RNF6: variants seen among roughly 807,000 people sequenced by gnomAD.
The protein encoded by RNF6 is E3 ubiquitin-protein ligase RNF6.
Under a neutral mutation model 50.1 loss-of-function variants are expected in RNF6, and 21 were observed. The ratio of observed to expected loss-of-function variants is 0.42; its 90% CI spans 0.30 to 0.60. The LOEUF is 0.60. RNF6 is among the 20% of genes least tolerant of loss of function. RNF6 has a pLI of 0.20. For synonymous variants in RNF6, 255 were observed against 291.8 expected (o/e 0.87, Z 1.29); for missense variants, 698 against 838.2 (o/e 0.83, Z 2.07).
chr13:26,159,352 C>T (rs939846213), intron 5 of RNF6, among the ~76,000 whole-genome samples: 3 of 152,108 alleles, frequency 2.0e-5, no homozygotes, highest in Admixed American at 6.5e-5. Context: ...TTGCCGGGTG[C>T]GGTGGCTCAC....
intron 5 of RNF6, among the ~76,000 whole-genome samples, chr13:26,180,010 C>T (rs542513845): frequency 3.9e-5 from 6 of 152,190 alleles, no homozygotes; most frequent in East Asian, 1.9e-4. Context: ...GGGCCTCTTC[C>T]GCTTGTGTCC....
intron 5 of RNF6, among the ~76,000 whole-genome samples, chr13:26,160,750 C>T (rs1872174364): frequency 6.6e-6 from 1 of 152,226 alleles, no homozygotes; most frequent in Admixed American, 6.5e-5. Flanking sequence ...TTTGTGGAGG[C>T]TGGACATTTG....
At chr13:26,216,617 A>G (rs577821723) in intron 4 of RNF6, among the ~76,000 whole-genome samples, 3 of 152,324 alleles carry the variant, frequency 2.0e-5, no homozygotes, top group East Asian at 3.9e-4. Flanking sequence ...GCATCAACAC[A>G]TTAACTACAC....
At chr13:26,210,996 C>T (rs1314022009), downstream of RNF6, among the ~76,000 whole-genome samples, 1 of 152,170 alleles carries the variant, frequency 6.6e-6, no homozygotes, top group Non-Finnish European at 1.5e-5. Flanking sequence ...ACAAGCTCTA[C>T]GGACCTGACA....
chr13:26,145,430 GAGGT>G (rs1871172967), intron 5 of RNF6, among the ~76,000 whole-genome samples: 1 of 139,366 alleles, frequency 7.2e-6, no homozygotes, highest in East Asian at 2.1e-4. Flanking sequence ...GGCCTAGTAG[GAGGT>G]GACTGAATCA....
intron 5 of RNF6, among the ~76,000 whole-genome samples, chr13:26,187,369 T>C (rs1388657285): frequency 2.0e-5 from 3 of 152,218 alleles, no homozygotes; most frequent in Non-Finnish European, 4.4e-5. Flanking sequence ...AGCAGGAGGC[T>C]TACTGGGATG....
rs756335075 is a variant in RNF6, at chr13:26,215,337, G to A, written c.545C>T (p.Thr182Ile). ...AGTTGACCTTTGTTGCCTATTTGCA[G>A]TATGATCTCTGTTACTATCTGAAAG... ...IPLSDSNRDH[T>I]ANRQQRSTSP... The change falls in exon 5 of 5, where the codon ACT becomes ATT. Residue 182 changes from threonine (T) to isoleucine (I), a missense_variant. Coordinates refer to ENST00000381588, the MANE Select transcript of RNF6 (RefSeq NM_005977.4). 1.2e-6 allele frequency: 2 copies of A among 1,614,184 alleles called. No homozygotes were observed. The highest frequency in any genetic ancestry group is 4.5e-5 in the East Asian group (2 of 44,890).
rs115731319 is a variant in RNF6 at position 26,207,257 on chromosome 13, A to G, written n.768+8217T>C. ...AAAAAAAAAAAGTATGAAAGGCAAG[A>G]TGAGATACCCTGCGAGGGATCCTAA... On this transcript the variant is annotated intron_variant and non_coding_transcript_variant, in intron 5 of 5. Coordinates refer to the RNF6 transcript ENST00000468480. 2.6e-3 allele frequency among the ~76,000 whole-genome samples: 397 copies of G among 152,112 alleles called. 3 individuals carry two copies. Among genetic ancestry groups the G allele is most frequent in the African/African-American group, 9.1e-3 (379 of 41,544 alleles).
chr13:26,178,570 G>A (rs1019661458), intron 5 of RNF6, among the ~76,000 whole-genome samples: 27 of 146,194 alleles, frequency 1.8e-4, no homozygotes, highest in African/African-American at 6.4e-4. Flanking sequence ...CCCCCTTGGC[G>A]GACCAGGTGT....
intron 5 of RNF6, among the ~76,000 whole-genome samples, chr13:26,174,510 G>A (rs1004908523): frequency 7.0e-6 from 1 of 142,916 alleles, no homozygotes; most frequent in Non-Finnish European, 1.6e-5. Flanking sequence ...AAAAAAATTA[G>A]CTGAGCGTGG....
intron 5 of RNF6, among the ~76,000 whole-genome samples, chr13:26,194,072 C>T (rs963031065): frequency 6.6e-6 from 1 of 152,030 alleles, no homozygotes; most frequent in African/African-American, 2.4e-5. Context: ...TATTACTGCT[C>T]GGAAGCAATA....
At position 26,218,526 on chromosome 13, in the gene RNF6, C is replaced by T. The variant is rs1348180224; in HGVS notation, c.274G>A (p.Gly92Arg). Reference protein sequence around the residue: ...QLASQPDLRDGTNYRDSEVPR... With the variant: ...QLASQPDLRDRTNYRDSEVPR... ...TCCATAGTACCTCTGTAATTCGTTC[C>T]ATCTCTCAAGTCAGGCTGAGATGCT... Residue 92 changes from glycine to arginine, a missense_variant, in exon 4 of 5, where the codon GGA (glycine) becomes AGA (arginine). Coordinates refer to ENST00000381588, the MANE Select transcript of RNF6 (RefSeq NM_005977.4). 3 of 1,613,410 alleles carry T rather than the reference C, an allele frequency of 1.9e-6. No homozygotes were observed. The highest frequency in any genetic ancestry group is 2.7e-5 in the African/African-American group (2 of 74,898).
chr13:26,197,870 A>C (rs1288269538), intron 5 of RNF6, among the ~76,000 whole-genome samples: 1 of 151,850 alleles, frequency 6.6e-6, no homozygotes, highest in Non-Finnish European at 1.5e-5. Context: ...CTCTGATCAT[A>C]TGGGAATTGA....
intron 3 of RNF6, 176 bp downstream of exon 3, chr13:26,219,281 T>C (rs554783281): frequency 1.8e-6 from 1 of 546,970 alleles, no homozygotes; most frequent in African/African-American, 1.9e-5. Context: ...CCTTATAAAA[T>C]ACAGAAGCCA....
rs545477508 is a variant in RNF6, at chr13:26,141,280, T to C, written n.769-8829A>G. 1.7e-4 allele frequency among the ~76,000 whole-genome samples: 26 copies of C among 151,920 alleles called. No homozygotes were observed. In the South Asian group the frequency reaches 4.6e-3, roughly 27 times the overall value. On this transcript the variant is annotated intron_variant and non_coding_transcript_variant, in intron 5 of 5. Transcript: ENST00000468480. ...CCATCTCTACTAAAAATACAAAAAT[T>C]AGCTGGGCGTGGTGGTGCATATCTT...
Position 26,157,071 on chromosome 13 carries a change from G to A in RNF6, n.769-24620C>T, listed in dbSNP as rs577511552. Among the ~76,000 whole-genome samples, 5 of 152,278 alleles carry A rather than the reference G, an allele frequency of 3.3e-5. No individual in the cohort carries two copies. The South Asian group carries it at 6.2e-4, about 19-fold the overall frequency. On this transcript the variant is annotated intron_variant and non_coding_transcript_variant, in intron 5 of 5. Coordinates refer to the RNF6 transcript ENST00000468480. ...TGTTGAGGGAAGTTGCAGTGCTGGGGAAACGGGGAATGACTGCTAGTGGGT... is the reference window on the plus strand; with the variant it reads ...TGTTGAGGGAAGTTGCAGTGCTGGGAAAACGGGGAATGACTGCTAGTGGGT...
chr13:26,173,477 A>G (rs1317900182), intron 5 of RNF6, among the ~76,000 whole-genome samples: 2 of 152,212 alleles, frequency 1.3e-5, no homozygotes, highest in Non-Finnish European at 2.9e-5. Flanking sequence ...TATGTACTCT[A>G]TTGAGTCATT....
intron 5 of RNF6, among the ~76,000 whole-genome samples, chr13:26,175,752 T>C (rs1872925341): frequency 6.6e-6 from 1 of 150,622 alleles, no homozygotes; most frequent in Non-Finnish European, 1.5e-5. Context: ...CCTAGTGACC[T>C]CCTCCTACGC....
chr13:26,222,652 G>C (rs1566448301), upstream of RNF6: 2 of 152,236 alleles, frequency 1.3e-5, no homozygotes, highest in African/African-American at 4.8e-5. Context: ...TCTGAAGTCT[G>C]TCTGTCTGTC....
Sources: allele counts gnomAD v4.1 joint callset (sites outside exome capture counted in the v4.1 genomes callset), GRCh38; gene constraint gnomAD v4.1.1; transcripts MANE v1.5; gene names NCBI Gene and HGNC (gene_info 2026-07-23, HGNC 2026-07-21).